The following ITPR3 variants were observed in gnomAD, a reference collection of about 807,000 sequenced individuals.
The protein encoded by ITPR3 is inositol 1,4,5-trisphosphate-gated calcium channel ITPR3.
A neutral mutation model predicts 293.2 loss-of-function variants in ITPR3; 173 were observed. The observed-to-expected ratio is 0.59, with a 90% CI of 0.52 to 0.67. ITPR3 has a LOEUF of 0.67. Among genes scored for constraint, ITPR3 ranks in the 30% least tolerant of loss-of-function variants. The probability of loss-of-function intolerance (pLI) is 0.00; values close to 1 mark genes in which losing one functional copy is unlikely to be tolerated. For synonymous variants in ITPR3, 1,295 were observed against 1,444.4 expected (o/e 0.90, Z 2.35); for missense variants, 2,796 against 3,592.1 (o/e 0.78, Z 5.66).
At chr6:33,661,865 AG>A (rs35152590) in intron 7 of ITPR3, among the ~76,000 whole-genome samples, 66,717 of 151,208 alleles carry the variant, frequency 0.44, 15,561 homozygotes, top group Non-Finnish European at 0.52. Flanking sequence ...GCGTGGTGGC[AG>A]GCACCTGTGG....
At chr6:33,651,524 G>A (rs1260390482) in intron 2 of ITPR3, among the ~76,000 whole-genome samples, 3 of 152,186 alleles carry the variant, frequency 2.0e-5, no homozygotes, top group East Asian at 3.9e-4. Context: ...ATAGGGTCCC[G>A]GTCTTCTGTT....
Position 33,666,954 on chromosome 6 carries a change from G to C in ITPR3, c.1552-175G>C, listed in dbSNP as rs1207609621. Reference sequence around the variant, plus strand: ...GGGATTCCAACAAGGAGTAGGGAGAGCTGGGGCTGAGGATGGCTGGGCTGG... The same window carrying C: ...GGGATTCCAACAAGGAGTAGGGAGACCTGGGGCTGAGGATGGCTGGGCTGG... On this transcript the variant is annotated intron_variant, in intron 14 of 57. Transcript: ENST00000605930. The surrounding 1 kb of genome is among the most constrained non-coding windows in gnomAD (Gnocchi z 5.1). Among the ~76,000 whole-genome samples the C allele has an allele frequency of 6.6e-6, 1 of 152,196 alleles. No homozygotes were observed. Among genetic ancestry groups the C allele is most frequent in the Non-Finnish European group, 1.5e-5 (1 of 68,038 alleles).
rs540664694 is a variant in ITPR3 at position 33,696,407 on chromosome 6, T to TG, written c.*631dup. On this transcript the variant is annotated 3_prime_UTR_variant, in exon 58 of 58. Coordinates refer to ENST00000605930, the MANE Select transcript of ITPR3 (RefSeq NM_002224.4). ...AGGACCTGCCTCTTCCCAGGCTTCC[T>TG]GGGGAAGAGTTGTACGCCCAGGCAA... 3 of 153,014 alleles carry TG rather than the reference T, an allele frequency of 2.0e-5. No homozygotes were observed. Among genetic ancestry groups the TG allele is most frequent in the African/African-American group, 7.2e-5 (3 of 41,578 alleles). The allele number at this position is 153,014 out of a possible 1,614,324, so 9.5% of individuals were successfully genotyped here.
At position 33,679,845 on chromosome 6, in the gene ITPR3, C is replaced by A; in HGVS notation, c.3973-37C>A. ...AGAGGAGAGCCCAGGGCTTGCTGGA[C>A]CGAGAGAGTGTGACACGTGCCCCCT... On this transcript the variant is annotated intron_variant, in intron 30 of 57. Transcript: ENST00000605930. The surrounding 1 kb of genome is among the most constrained non-coding windows in gnomAD (Gnocchi z 4.2). The A allele has an allele frequency of 1.3e-6, 2 of 1,586,252 alleles. No individual in the cohort carries two copies. Among genetic ancestry groups the A allele is most frequent in the African/African-American group, 1.3e-5 (1 of 74,756 alleles).
chr6:33,689,527 T>C (rs777015522), intron 50 of ITPR3, 117 bp downstream of exon 50: 18 of 1,201,030 alleles, frequency 1.5e-5, no homozygotes, highest in Non-Finnish European at 2.0e-5. Context: ...CTCCTCTCTG[T>C]TGGGCTCCCA....
Position 33,669,023 on chromosome 6 carries a change from G to A in ITPR3, c.2056G>A (p.Glu686Lys), listed in dbSNP as rs1392981605. ...MAQSHEYLSI[E>K]YSEEEVWLTW... ...CCAATCCCACGAGTACCTGAGCATC[G>A]AGTACTCAGAAGAGGAAGTGTGGCT... Residue 686 changes from glutamate to lysine, a missense_variant, in exon 18 of 58, where the codon GAG (glutamate) becomes AAG (lysine). Coordinates refer to ENST00000605930, the MANE Select transcript of ITPR3 (RefSeq NM_002224.4). The A allele has an allele frequency of 1.9e-6, 3 of 1,614,062 alleles. No individual in the cohort carries two copies. Among genetic ancestry groups the A allele is most frequent in the African/African-American group, 1.3e-5 (1 of 75,040 alleles).
chr6:33,634,320 G>A (rs550439165), intron 1 of ITPR3, among the ~76,000 whole-genome samples: 5 of 152,152 alleles, frequency 3.3e-5, no homozygotes, highest in Admixed American at 6.5e-5. Context: ...ACCTCTTGGA[G>A]GTTCTTGGGG....
Position 33,659,521 on chromosome 6 carries a change from G to A in ITPR3, c.683G>A (p.Arg228Gln), listed in dbSNP as rs139600413. 127 of 1,613,994 alleles carry A rather than the reference G, an allele frequency of 7.9e-5. No homozygotes were observed. The East Asian group carries it at 1.8e-3, about 23-fold the overall frequency. ...AAGATCAACCTGTTTATGCAGTTTCGGGACCACCTGGAGGAGGTGTTGAAA... is the reference window on the plus strand; with the variant it reads ...AAGATCAACCTGTTTATGCAGTTTCAGGACCACCTGGAGGAGGTGTTGAAA... ...SWKINLFMQF[R>Q]DHLEEVLKGG... Residue 228 changes from arginine to glutamine, a missense_variant, in exon 7 of 58, where the codon CGG (arginine) becomes CAG (glutamine). Physicochemically the swap from Arg to Gln is conservative, Grantham distance 43. Transcript: ENST00000605930.
chr6:33,684,308 G>C lies in ITPR3; in HGVS notation c.4938-49G>C. 1 of 1,596,086 alleles carries C rather than the reference G, an allele frequency of 6.3e-7. No homozygotes were observed. Among genetic ancestry groups the C allele is most frequent in the Non-Finnish European group, 8.6e-7 (1 of 1,164,498 alleles). ...CTGGGATGGGGTGGGGAAGTAGCTGGAGGGAGGCAGTGTGGGGCTGCCCTG... is the reference window on the plus strand; with the variant it reads ...CTGGGATGGGGTGGGGAAGTAGCTGCAGGGAGGCAGTGTGGGGCTGCCCTG... On this transcript the variant is annotated intron_variant, in intron 36 of 57. Coordinates refer to ENST00000605930, the MANE Select transcript of ITPR3 (RefSeq NM_002224.4). The surrounding 1 kb of genome is among the most constrained non-coding windows in gnomAD (Gnocchi z 4.2).
chr6:33,667,955 G>C lies in ITPR3; in HGVS notation c.1877G>C (p.Arg626Pro). 6.2e-7 allele frequency: 1 copy of C among 1,614,092 alleles called. No homozygotes were observed. Among genetic ancestry groups the C allele is most frequent in the Non-Finnish European group, 8.5e-7 (1 of 1,180,032 alleles). The change falls in exon 16 of 58, where the codon CGG (arginine) becomes CCG (proline). Residue 626 changes from arginine to proline, a missense_variant. Physicochemically the swap from Arg to Pro is moderately radical, Grantham distance 103. Transcript: ENST00000605930. The surrounding 1 kb of genome is among the most constrained non-coding windows in gnomAD (Gnocchi z 4.4). ...TTCGTCAGCCTTGTGCGCAAGAACC[G>C]GGAGCCCAGGTGGGCCCGAACCCCC... is the stretch of plus-strand genomic sequence containing the variant. ...ETFVSLVRKN[R>P]EPRFLDYLSD... is the part of the protein sequence containing the mutation.
chr6:33,667,651 G>A lies in ITPR3; in HGVS notation c.1714-141G>A. 2 of 915,042 alleles carry A rather than the reference G, an allele frequency of 2.2e-6. No individual in the cohort carries two copies. The highest frequency in any genetic ancestry group is 1.6e-6 in the Non-Finnish European group (1 of 612,590). The allele number at this position is 915,042 out of a possible 1,614,324, so 56.7% of individuals were successfully genotyped here. On this transcript the variant is annotated intron_variant, in intron 15 of 57. Transcript: ENST00000605930. This position sits in a 1 kb window ranked among gnomAD's most constrained non-coding sequence, Gnocchi z 4.4. The stretch of plus-strand genomic sequence containing the variant: ...GTAATGTAAGCCACTCTTCTGCCCA[G>A]CGATGCTTCCTTTCCTGGACCTCTG...
rs1763495687 is a variant in ITPR3, at chr6:33,623,811, A to G, written c.89+2120A>G. On this transcript the variant is annotated intron_variant, in intron 1 of 57. Coordinates refer to ENST00000605930, the MANE Select transcript of ITPR3 (RefSeq NM_002224.4). ...GGGCAGATCCTGGTGACCTCTAGAAAGCCCTTCTACGCCGGGGTACCCCCT... is the reference window on the plus strand; with the variant it reads ...GGGCAGATCCTGGTGACCTCTAGAAGGCCCTTCTACGCCGGGGTACCCCCT... Among the ~76,000 whole-genome samples, 5 of 152,100 alleles carry G rather than the reference A, an allele frequency of 3.3e-5. No homozygotes were observed. The South Asian group carries it at 1.0e-3, about 32-fold the overall frequency.
intron 1 of ITPR3, among the ~76,000 whole-genome samples, chr6:33,635,480 G>A (rs1005576970): frequency 8.5e-5 from 13 of 152,292 alleles, no homozygotes; most frequent in Non-Finnish European, 1.5e-4. Context: ...CTGAGGATAC[G>A]GCAGGGAGCA....
chr6:33,670,553 C>T lies in ITPR3; in HGVS notation c.2418C>T (p.Ile806=). The stretch of plus-strand genomic sequence containing the variant: ...AGTTTGCCCGTCTCTGGACTGAGAT[C>T]CCCACAGCCATCACCATCAAGGAGT... ...PVKFARLWTE[I]PTAITIKDYD... Residue 806 remains isoleucine (I), a synonymous_variant, in exon 19 of 58, where the codon ATC becomes ATT. Coordinates refer to ENST00000605930, the MANE Select transcript of ITPR3 (RefSeq NM_002224.4). This position sits in a 1 kb window ranked among gnomAD's most constrained non-coding sequence, Gnocchi z 6.7. The T allele has an allele frequency of 2.5e-6, 4 of 1,613,490 alleles. No individual in the cohort carries two copies. Among genetic ancestry groups the T allele is most frequent in the Non-Finnish European group, 3.4e-6 (4 of 1,179,898 alleles).
In ITPR3 at chr6:33,691,260, G is replaced by T; in HGVS notation, c.7225+151G>T. 5.5e-6 allele frequency: 4 copies of T among 726,820 alleles called. No homozygotes were observed. Among genetic ancestry groups the T allele is most frequent in the Non-Finnish European group, 9.0e-6 (4 of 443,048 alleles). The allele number at this position is 726,820 out of a possible 1,614,324, so 45.0% of individuals were successfully genotyped here. On this transcript the variant is annotated intron_variant, in intron 52 of 57. Coordinates refer to ENST00000605930, the MANE Select transcript of ITPR3 (RefSeq NM_002224.4). The surrounding 1 kb of genome is among the most constrained non-coding windows in gnomAD (Gnocchi z 4.9). ...TTCTGGGGACGTCTAGCTAACACCA[G>T]TCTGCCTCGCTCTTTTCTGGAACAC...
At chr6:33,641,024 C>T (rs1763938773) in intron 2 of ITPR3, among the ~76,000 whole-genome samples, 1 of 152,198 alleles carries the variant, frequency 6.6e-6, no homozygotes, top group Admixed American at 6.5e-5. Context: ...CAGCCCCCTC[C>T]TGTGTGTGAG....
chr6:33,622,402 A>C (rs1763459537), intron 1 of ITPR3, among the ~76,000 whole-genome samples: 1 of 152,136 alleles, frequency 6.6e-6, no homozygotes, highest in African/African-American at 2.4e-5. Flanking sequence ...GAATCAGTTC[A>C]CGTCCCTGGA....
rs769195092 is a variant in ITPR3, at chr6:33,685,816, C to T, written c.5656C>T (p.Arg1886Trp). 4.6e-5 allele frequency: 72 copies of T among 1,570,134 alleles called. No individual in the cohort carries two copies. The highest frequency in any genetic ancestry group is 5.6e-5 in the Non-Finnish European group (65 of 1,155,084). The change falls in exon 41 of 58, where the codon CGG (arginine) becomes TGG (tryptophan). Residue 1886 changes from arginine (R) to tryptophan (W), a missense_variant. Coordinates refer to ENST00000605930, the MANE Select transcript of ITPR3 (RefSeq NM_002224.4). ...GCAGCTGCTGTGTGAGAACCACAAC[C>T]GGGACCTGCAGGTGAGTGCCTCGCC... ...FLQLLCENHN[R>W]DLQNFLRCQN...
At position 33,673,736 on chromosome 6, in the gene ITPR3, G is replaced by T; in HGVS notation, c.3058+16G>T. ...GACTCTACCAGTAAGCCCCTGCCCT[G>T]CCTTCAGGCTGAGGCTGTGCGACTC... is the stretch of plus-strand genomic sequence containing the variant. On this transcript the variant is annotated intron_variant, in intron 23 of 57. Transcript: ENST00000605930. 1 of 1,613,746 alleles carries T rather than the reference G, an allele frequency of 6.2e-7. No individual in the cohort carries two copies. Among genetic ancestry groups the T allele is most frequent in the Non-Finnish European group, 8.5e-7 (1 of 1,179,824 alleles).
Sources: gnomAD v4.1 joint callset for allele counts (sites outside exome capture counted in the v4.1 genomes callset) on GRCh38, gnomAD v4.1.1 for gene constraint, Gnocchi (gnomAD v3.1) non-coding constraint, MANE v1.5 for transcripts, NCBI Gene and HGNC (gene_info 2026-07-23, HGNC 2026-07-21) for gene names.